Variants in COL6A1 observed in about 807,000 individuals in gnomAD.
COL6A1 encodes collagen alpha-1(VI) chain.
COL6A1 carries 80 observed loss-of-function variants against 145.6 expected under a neutral mutation model. The observed-to-expected ratio is 0.55, with a 90% CI of 0.46 to 0.66. The LOEUF (loss-of-function observed/expected upper bound fraction) is 0.66, where lower values mean the gene tolerates loss of function less well. Among genes scored for constraint, COL6A1 ranks in the 30% least tolerant of loss-of-function variants. COL6A1 has a pLI of 0.00. For synonymous variants in COL6A1, 638 were observed against 622.8 expected (o/e 1.02, Z -0.36); for missense variants, 1,364 against 1,473.8 (o/e 0.93, Z 1.22).
Position 46,003,823 on chromosome 21 carries a change from G to A in COL6A1, c.2897G>A (p.Gly966Asp). ...EKAVQEAQRA[G>D]IEIFVVVVGR... The stretch of plus-strand genomic sequence containing the variant: ...GCCGTGCAGGAAGCCCAGCGGGCAG[G>A]CATCGAGATCTTCGTGGTGGTCGTG... Residue 966 changes from glycine (G) to aspartate (D), a missense_variant, in exon 35 of 35, where the codon GGC (glycine) becomes GAC (aspartate). By Grantham distance (94) the Gly-to-Asp change is moderately conservative. Transcript: ENST00000361866. 6.2e-7 allele frequency: 1 copy of A among 1,605,322 alleles called. No homozygotes were observed. The highest frequency in any genetic ancestry group is 8.5e-7 in the Non-Finnish European group (1 of 1,173,774).
At chr21:45,983,593 G>C (rs950013006) in intron 2 of COL6A1, among the ~76,000 whole-genome samples, 1 of 151,346 alleles carries the variant, frequency 6.6e-6, no homozygotes, top group African/African-American at 2.4e-5. Flanking sequence ...ACCGTGCCCA[G>C]CAGGAGCCAT....
chr21:45,989,664 C>G lies in COL6A1; in HGVS notation c.903+12C>G, dbSNP rs775248249. Reference sequence around the variant, plus strand: ...ACCAGGGAATGAAGGTACGTGCCCCCCCTTTCCTGGCCCGAGCCCGGTGGT... The same window carrying G: ...ACCAGGGAATGAAGGTACGTGCCCCGCCTTTCCTGGCCCGAGCCCGGTGGT... On this transcript the variant is annotated intron_variant, in intron 10 of 34. Coordinates refer to ENST00000361866, the MANE Select transcript of COL6A1 (RefSeq NM_001848.3). 1.4e-5 allele frequency: 22 copies of G among 1,613,200 alleles called. No individual in the cohort carries two copies. The highest frequency in any genetic ancestry group is 1.9e-5 in the Non-Finnish European group (22 of 1,179,998).
intron 15 of COL6A1, among the ~76,000 whole-genome samples, chr21:45,991,327 TG>T (rs1227404051): frequency 1.3e-5 from 2 of 152,112 alleles, no homozygotes; most frequent in Non-Finnish European, 2.9e-5. Context: ...TCGGCACAGA[TG>T]GGACCCCACC....
intron 11 of COL6A1, 151 bp downstream of exon 11, chr21:45,989,929 G>A (rs1369030439): frequency 2.7e-6 from 3 of 1,096,636 alleles, no homozygotes; most frequent in African/African-American, 1.6e-5. Flanking sequence ...CCCTCCATCT[G>A]GAAGGACAAG....
At chr21:45,984,200 C>A (rs936891971) in intron 2 of COL6A1, 69 bp from the exon 3 acceptor site, 2 of 1,460,926 alleles carry the variant, frequency 1.4e-6, no homozygotes, top group African/African-American at 1.4e-5. Context: ...GGTGACGTCG[C>A]GCCCTGGGAC....
rs141463437 is a variant in COL6A1 at position 46,003,443 on chromosome 21, C to T, written c.2517C>T (p.Ser839=). 3.4e-4 allele frequency: 539 copies of T among 1,604,470 alleles called. 3 individuals carry two copies. The African/African-American group carries it at 6.2e-3, about 18-fold the overall frequency. Residue 839 remains serine, a synonymous_variant, in exon 35 of 35, where the codon AGC becomes AGT. Transcript: ENST00000361866. ...CCATCCTGCTGGACGGCTCCGCCAGCGTGGGCAGCCACAACTTTGACACCA... is the reference window on the plus strand; with the variant it reads ...CCATCCTGCTGGACGGCTCCGCCAGTGTGGGCAGCCACAACTTTGACACCA... ...DITILLDGSA[S]VGSHNFDTTK...
At chr21:46,000,611 G>GC in intron 28 of COL6A1, 148 bp from the exon 29 acceptor site, 4 of 1,355,766 alleles carry the variant, frequency 3.0e-6, no homozygotes, top group East Asian at 2.3e-5. Context: ...GGGAGGCGGG[G>GC]AGGCGGGGCA....
In COL6A1 at chr21:45,990,269, A is replaced by C. The variant is rs2077767024; in HGVS notation, c.942A>C (p.Gly314=). The C allele has an allele frequency of 6.2e-7, 1 of 1,611,214 alleles. No homozygotes were observed. The highest frequency in any genetic ancestry group is 8.5e-7 in the Non-Finnish European group (1 of 1,179,490). The change falls in exon 12 of 35, where the codon GGA becomes GGC. Residue 314 remains glycine, a synonymous_variant. Coordinates refer to ENST00000361866, the MANE Select transcript of COL6A1 (RefSeq NM_001848.3). ...TCCTGTCTCCGCAGGGCTCCAGGGG[A>C]CCCAAGGGCTACAAGGTGAGCGTGG... ...KGSRGEKGSR[G]PKGYKGEKGK...
In COL6A1 at chr21:45,989,598, T is replaced by G; in HGVS notation, c.859-10T>G. On this transcript the variant is annotated splice_polypyrimidine_tract_variant and intron_variant, in intron 9 of 34. Transcript: ENST00000361866. ...CCGGGGGTGTCTCACCATCTCCTCC[T>G]GTGTTCCAGGGAAGACCCGGGGACC... is the stretch of plus-strand genomic sequence containing the variant. 1 of 1,612,748 alleles carries G rather than the reference T, an allele frequency of 6.2e-7. No individual in the cohort carries two copies. The highest frequency in any genetic ancestry group is 1.7e-5 in the Admixed American group (1 of 60,034).
chr21:45,998,483 G>C (rs201644886), intron 24 of COL6A1, 50 bp downstream of exon 24: 11 of 1,611,748 alleles, frequency 6.8e-6, no homozygotes, highest in Admixed American at 3.3e-5. Flanking sequence ...AACATTCACA[G>C]TCACAGGGAC....
intron 2 of COL6A1, among the ~76,000 whole-genome samples, chr21:45,983,724 C>T (rs1051661571): frequency 1.1e-4 from 16 of 152,112 alleles, no homozygotes; most frequent in African/African-American, 3.4e-4. Context: ...TCCCCCGAGT[C>T]GCCCTTGTTG....
chr21:45,999,806 G>C, intron 27 of COL6A1, 114 bp downstream of exon 27: 1 of 855,088 alleles, frequency 1.2e-6, no homozygotes. Flanking sequence ...GGGGTGGGTT[G>C]TGGACAAAGA....
chr21:45,998,809 C>G, intron 24 of COL6A1, 88 bp from the exon 25 acceptor site: 1 of 1,307,470 alleles, frequency 7.6e-7, no homozygotes, highest in South Asian at 1.3e-5. Context: ...GAGTGCCTCT[C>G]TTATCTTTAT....
Position 45,998,390 on chromosome 21 carries a change from C to T in COL6A1, c.1576-8C>T. 2.5e-6 allele frequency: 4 copies of T among 1,613,234 alleles called. No homozygotes were observed. In the African/African-American group the frequency reaches 5.3e-5, roughly 21 times the overall value. ...ACCCGGTATCACTGCCCTGCTTTTC[C>T]ATGACAGGGGTATCCGGGCAACAGG... is the stretch of plus-strand genomic sequence containing the variant. On this transcript the variant is annotated splice_region_variant and splice_polypyrimidine_tract_variant and intron_variant, in intron 23 of 34. Transcript: ENST00000361866.
Position 46,004,189 on chromosome 21 carries a change from G to C in COL6A1, c.*176G>C. ...TGCCTGCTTTGTGCAGGGTCCTCCGGGGCTCAGCCCTGAGTTGGCATCACC... is the reference window on the plus strand; with the variant it reads ...TGCCTGCTTTGTGCAGGGTCCTCCGCGGCTCAGCCCTGAGTTGGCATCACC... On this transcript the variant is annotated 3_prime_UTR_variant, in exon 35 of 35. Transcript: ENST00000361866. 1.1e-6 allele frequency: 1 copy of C among 881,380 alleles called. No homozygotes were observed. Among genetic ancestry groups the C allele is most frequent in the Non-Finnish European group, 1.7e-6 (1 of 583,114 alleles). 54.6% of individuals were successfully genotyped at this position (881,380 alleles called of 1,614,324 possible).
At position 46,002,839 on chromosome 21, in the gene COL6A1, G is replaced by A. The variant is rs567645416; in HGVS notation, c.2434+129G>A. ...GTCCCAGATCTGCGTAGGTGCACGC[G>A]GGGCCGCCCAGGGCCGTCCCAGATC... On this transcript the variant is annotated intron_variant, in intron 33 of 34. Coordinates refer to ENST00000361866, the MANE Select transcript of COL6A1 (RefSeq NM_001848.3). 4.4e-5 allele frequency: 55 copies of A among 1,240,996 alleles called. 1 individual carries two copies. Among genetic ancestry groups the A allele is most frequent in the South Asian group, 4.1e-4 (32 of 78,246 alleles). The allele number at this position is 1,240,996 out of a possible 1,614,324, so 76.9% of individuals were successfully genotyped here. A position where few individuals can be genotyped will look rare whatever the true frequency, so the allele number is the denominator to read the frequency against.
rs774438041 is a variant in COL6A1, at chr21:46,003,404, C to T, written c.2478C>T (p.Ser826=). ...CCCGCCCCGCAGTCACGTTCTCCTCCCCGGCTGACATCACCATCCTGCTGG... is the reference window on the plus strand; with the variant it reads ...CCCGCCCCGCAGTCACGTTCTCCTCTCCGGCTGACATCACCATCCTGCTGG... ...PDYTCPITFS[S]PADITILLDG... Residue 826 remains serine (S), a synonymous_variant, in exon 35 of 35, where the codon TCC becomes TCT. Transcript: ENST00000361866. The T allele has an allele frequency of 1.9e-6, 3 of 1,601,104 alleles. No homozygotes were observed. Among genetic ancestry groups the T allele is most frequent in the South Asian group, 1.1e-5 (1 of 91,076 alleles).
At chr21:45,985,726 G>A (rs1281997852) in intron 3 of COL6A1, among the ~76,000 whole-genome samples, 4 of 152,224 alleles carry the variant, frequency 2.6e-5, no homozygotes, top group Non-Finnish European at 5.9e-5. Context: ...CGGTGCGGGG[G>A]GTTTGGGGAG....
rs189481710 is a variant in COL6A1, at chr21:45,993,478, G to A, written c.1335+668G>A. Reference sequence around the variant, plus strand: ...AGAGAATGCCCTAGTGTGCCCAGCCGAGCTGCCAGGCCTCAGAGGCAGCGC... The same window carrying A: ...AGAGAATGCCCTAGTGTGCCCAGCCAAGCTGCCAGGCCTCAGAGGCAGCGC... On this transcript the variant is annotated intron_variant, in intron 19 of 34. Coordinates refer to ENST00000361866, the MANE Select transcript of COL6A1 (RefSeq NM_001848.3). Among the ~76,000 whole-genome samples the A allele has an allele frequency of 2.3e-3, 349 of 152,362 alleles. 1 individual carries two copies. Among genetic ancestry groups the A allele is most frequent in the African/African-American group, 8.0e-3 (331 of 41,594 alleles).
Sources: gnomAD v4.1 joint callset for allele counts (sites outside exome capture counted in the v4.1 genomes callset) on GRCh38, gnomAD v4.1.1 for gene constraint, MANE v1.5 for transcripts, NCBI Gene and HGNC (gene_info 2026-07-23, HGNC 2026-07-21) for gene names.